The following DPF3 variants were observed in gnomAD, a reference collection of about 807,000 sequenced individuals.
The protein encoded by DPF3 is zinc finger protein DPF3.
A neutral mutation model predicts 56.8 loss-of-function variants in DPF3; 18 were observed. The ratio of observed to expected loss-of-function variants is 0.32; its 90% confidence interval spans 0.22 to 0.47. The LOEUF is 0.47. DPF3 is among the 20% of genes least tolerant of loss of function. The pLI is 1.00. For missense variants in DPF3, 403 were observed against 488.8 expected (o/e 0.82, Z 1.65); for synonymous variants, 188 against 180.2 (o/e 1.04, Z -0.35).
chr14:72,840,580 T>C (rs904455761), intron 1 of DPF3, among the ~76,000 whole-genome samples: 5 of 152,194 alleles, frequency 3.3e-5, no homozygotes, highest in African/African-American at 9.6e-5. Flanking sequence ...GGGGGCGTTA[T>C]TGTTTAACAA....
In DPF3 at chr14:72,746,917, C is replaced by T. The variant is rs143253475; in HGVS notation, c.301+6347G>A. ...TTCCCCTCACATGTTACGGCAGGCCCGACAACGGGGCATGGCCAAAGCAGG... is the reference window on the plus strand; with the variant it reads ...TTCCCCTCACATGTTACGGCAGGCCTGACAACGGGGCATGGCCAAAGCAGG... On this transcript the variant is annotated intron_variant, in intron 3 of 10. Transcript: ENST00000556509. Among the ~76,000 whole-genome samples the T allele has an allele frequency of 3.9e-3, 591 of 152,362 alleles. 8 individuals carry two copies. Among genetic ancestry groups the T allele is most frequent in the Middle Eastern group, 3.4e-3 (1 of 294 alleles).
rs75878544 is a variant in DPF3 at position 72,795,144 on chromosome 14, G to A, written c.33-23251C>T. Among the ~76,000 whole-genome samples, 336 of 151,934 alleles carry A rather than the reference G, an allele frequency of 2.2e-3. 3 individuals carry two copies. The East Asian group carries it at 0.05, about 23-fold the overall frequency. ...TGGACATCTTTGGGGGTAAGGTCACGCTTCTATCTACCAAAGGCGTGTTCT... is the reference window on the plus strand; with the variant it reads ...TGGACATCTTTGGGGGTAAGGTCACACTTCTATCTACCAAAGGCGTGTTCT... On this transcript the variant is annotated intron_variant, in intron 1 of 10. Coordinates refer to ENST00000556509, the MANE Select transcript of DPF3 (RefSeq NM_001280542.3).
intron 1 of DPF3, among the ~76,000 whole-genome samples, chr14:72,837,422 G>A (rs1001968051): frequency 2.2e-4 from 33 of 151,930 alleles, no homozygotes; most frequent in Admixed American, 3.9e-4. Context: ...TGGAGACTTA[G>A]TCCCAGCCCT....
intron 3 of DPF3, among the ~76,000 whole-genome samples, chr14:72,752,157 A>T (rs1261196653): frequency 6.6e-6 from 1 of 152,202 alleles, no homozygotes; most frequent in East Asian, 1.9e-4. Context: ...GCCAGGCTTG[A>T]CAGTCTGCAA....
intron 1 of DPF3, among the ~76,000 whole-genome samples, chr14:72,817,110 C>T (rs1341294967): frequency 2.0e-5 from 3 of 152,150 alleles, no homozygotes; most frequent in Admixed American, 1.3e-4. Context: ...GGCTCACAGC[C>T]CCGGGGGGAC....
intron 1 of DPF3, among the ~76,000 whole-genome samples, chr14:72,800,020 G>GAGTTGAGT (rs1400438154): frequency 3.3e-5 from 5 of 152,160 alleles, no homozygotes; most frequent in Non-Finnish European, 7.3e-5. Flanking sequence ...TAAGCACTAT[G>GAGTTGAGT]AGTTGAGTTT....
chr14:72,727,373 C>T (rs947782373), intron 4 of DPF3, among the ~76,000 whole-genome samples: 15 of 152,204 alleles, frequency 9.9e-5, no homozygotes, highest in Non-Finnish European at 1.8e-4. Context: ...GTTAGGAGTT[C>T]GAGACGAGCC....
chr14:72,700,140 A>G (rs559725336), intron 6 of DPF3, among the ~76,000 whole-genome samples: 2 of 152,326 alleles, frequency 1.3e-5, no homozygotes, highest in South Asian at 2.1e-4. Context: ...CTTCATCACA[A>G]TGGAAAGAAA....
At chr14:72,707,670 C>CTG (rs573066542) in intron 6 of DPF3, among the ~76,000 whole-genome samples, 2,850 of 135,272 alleles carry the variant, frequency 0.021, 33 homozygotes, top group Middle Eastern at 0.057. Flanking sequence ...TAGTCGTCTT[C>CTG]TGTGTGCGTG....
chr14:72,789,215 C>T (rs987410582), intron 1 of DPF3, among the ~76,000 whole-genome samples: 1 of 152,120 alleles, frequency 6.6e-6, no homozygotes, highest in Non-Finnish European at 1.5e-5. Context: ...TGACAGTGGG[C>T]GGGACAGTGC....
chr14:72,772,227 G>C lies in DPF3; in HGVS notation c.33-334C>G, dbSNP rs554075304. Among the ~76,000 whole-genome samples the C allele has an allele frequency of 5.3e-5, 8 of 152,284 alleles. No individual in the cohort carries two copies. The South Asian group carries it at 1.7e-3, about 32-fold the overall frequency. ...CCACTCCAGAAGGGAAGTAGCTCTG[G>C]AACAACCTTCTGCATGGAATCTAGA... On this transcript the variant is annotated intron_variant, in intron 1 of 10. Transcript: ENST00000556509.
chr14:72,791,033 T>C (rs1293438854), intron 1 of DPF3, among the ~76,000 whole-genome samples: 5 of 152,150 alleles, frequency 3.3e-5, no homozygotes, highest in Non-Finnish European at 5.9e-5. Flanking sequence ...CGCCCCTTCC[T>C]GCTGTGGAGT....
Position 72,750,791 on chromosome 14 carries a change from CAAAA to C in DPF3, c.301+2469_301+2472del, listed in dbSNP as rs35754238. Among the ~76,000 whole-genome samples, 522 of 65,944 alleles carry C rather than the reference CAAAA, an allele frequency of 7.9e-3. 2 individuals are homozygous for C. The highest frequency in any genetic ancestry group is 0.013 in the Middle Eastern group (1 of 80). The allele number at this position is 65,944 out of a possible 152,430, so 43.3% of individuals were successfully genotyped here. A position where few individuals can be genotyped will look rare whatever the true frequency, so the allele number is the denominator to read the frequency against. ...CATGGATTATCTCTTGAAAGAATCT[CAAAA>C]AAAAAAAAAAAAAAAAAAAAAACCT... On this transcript the variant is annotated intron_variant, in intron 3 of 10. Transcript: ENST00000556509.
Position 72,821,527 on chromosome 14 carries a change from C to T in DPF3, c.33-49634G>A, listed in dbSNP as rs202136043. 2.0e-5 allele frequency among the ~76,000 whole-genome samples: 3 copies of T among 152,150 alleles called. No homozygotes were observed. The East Asian group carries it at 5.8e-4, about 29-fold the overall frequency. ...TAAACGCTGGCATCAATATGATGAA[C>T]TATCGAATATTGTCCATGGTACAAA... On this transcript the variant is annotated intron_variant, in intron 1 of 10. Transcript: ENST00000556509.
rs1360216903 is a variant in DPF3, at chr14:72,618,572, A to C, written c.*725T>G. The stretch of plus-strand genomic sequence containing the variant: ...GCAAAGTCTCTCCCGATGGATAACA[A>C]GTACTGACTGGCTATGGCGGGGCCT... On this transcript the variant is annotated 3_prime_UTR_variant, in exon 11 of 11. Transcript: ENST00000556509. Among the ~76,000 whole-genome samples the C allele has an allele frequency of 6.6e-6, 1 of 152,172 alleles. No individual in the cohort carries two copies. The highest frequency in any genetic ancestry group is 2.4e-5 in the African/African-American group (1 of 41,448).
chr14:72,729,285 T>A (rs1246078816), intron 4 of DPF3, among the ~76,000 whole-genome samples: 5 of 151,554 alleles, frequency 3.3e-5, no homozygotes, highest in Non-Finnish European at 4.4e-5. Context: ...AAAATAAAAA[T>A]TAAAAAATGA....
At chr14:72,701,529 C>A (rs561621196) in intron 6 of DPF3, among the ~76,000 whole-genome samples, 2 of 152,280 alleles carry the variant, frequency 1.3e-5, no homozygotes, top group Admixed American at 1.3e-4. Flanking sequence ...AAACCTACCC[C>A]ACTCCTAGTC....
At chr14:72,770,298 T>G (rs1667437639) in intron 2 of DPF3, among the ~76,000 whole-genome samples, 1 of 152,174 alleles carries the variant, frequency 6.6e-6, no homozygotes, top group African/African-American at 2.4e-5. Context: ...AGCAACCCAG[T>G]GTCTTCAACA....
chr14:72,810,675 C>T (rs931270825), intron 1 of DPF3, among the ~76,000 whole-genome samples: 1 of 152,188 alleles, frequency 6.6e-6, no homozygotes, highest in Admixed American at 6.5e-5. Context: ...TAGGGTCCCC[C>T]ACCCAGCAAG....
Sources: gnomAD v4.1 joint callset for allele counts (sites outside exome capture counted in the v4.1 genomes callset) on GRCh38, gnomAD v4.1.1 for gene constraint, MANE v1.5 for transcripts, NCBI Gene and HGNC (gene_info 2026-07-23, HGNC 2026-07-21) for gene names.